Variants in ANKRD55 observed in about 807,000 individuals in gnomAD.
The protein encoded by ANKRD55 is ankyrin repeat domain-containing protein 55.
A neutral mutation model predicts 60.6 loss-of-function variants in ANKRD55; 41 were observed. The ratio of observed to expected loss-of-function variants is 0.68; its 90% CI spans 0.53 to 0.88. ANKRD55 has a LOEUF of 0.88. Ranked by LOEUF, ANKRD55 falls within the 40% of genes least tolerant of loss-of-function variation. ANKRD55 has a pLI of 0.00. For synonymous variants in ANKRD55, 264 were observed against 290.3 expected, an observed-to-expected ratio of 0.91 and a Z score of 0.92; for missense variants, 732 against 767.6, an observed-to-expected ratio of 0.95 and a Z score of 0.55.
chr5:56,127,276 G>C, intron 7 of ANKRD55, 170 bp from the exon 8 acceptor site: 1 of 984,424 alleles, frequency 1.0e-6, no homozygotes, highest in Non-Finnish European at 1.2e-6. Context: ...CTCTATCTAA[G>C]CTCTCCAACA....
intron 4 of ANKRD55, among the ~76,000 whole-genome samples, chr5:56,171,976 G>A (rs1203047276): frequency 6.6e-6 from 1 of 152,058 alleles, no homozygotes; most frequent in Non-Finnish European, 1.5e-5. Flanking sequence ...AAAATTAGCT[G>A]GGAATGGTGG....
chr5:56,210,487 GGGAGGCGGA>G lies in ANKRD55; in HGVS notation c.58+22360_58+22368del, dbSNP rs1323843336. Among the ~76,000 whole-genome samples the G allele has an allele frequency of 2.5e-3, 376 of 148,670 alleles. 1 individual carries two copies. Among genetic ancestry groups the G allele is most frequent in the African/African-American group, 8.6e-3 (346 of 40,022 alleles). ...TGAGGCAGGAGAAAGGCGTGAACCCGGGAGGCGGAGCTTGCAGTGAGCCGAGATCGCGCG... is the reference window on the plus strand; with the variant it reads ...TGAGGCAGGAGAAAGGCGTGAACCCGGCTTGCAGTGAGCCGAGATCGCGCG... On this transcript the variant is annotated intron_variant, in intron 2 of 11. Transcript: ENST00000341048.
Position 56,232,878 on chromosome 5 carries a change from AG to A in ANKRD55, c.35del (p.Pro12LeufsTer17). 1 of 1,614,166 alleles carries A rather than the reference AG, an allele frequency of 6.2e-7. No individual in the cohort carries two copies. Among genetic ancestry groups the A allele is most frequent in the Non-Finnish European group, 8.5e-7 (1 of 1,180,024 alleles). On this transcript the variant is annotated frameshift_variant, in exon 2 of 12. Coordinates refer to ENST00000341048, the MANE Select transcript of ANKRD55 (RefSeq NM_024669.3). LOFTEE classifies it high-confidence loss of function. ...MRQATMDFST[P>X]SVFDQQRGDS... is the part of the protein sequence containing the mutation. ...TACCTCTTTGCTGATCAAACACAGA[AG>A]GGGTGCTGAAATCCATGGTAGCCTG...
chr5:56,173,578 C>CTATATA (rs1211689978), intron 4 of ANKRD55, among the ~76,000 whole-genome samples: 71 of 71,636 alleles, frequency 9.9e-4, no homozygotes, highest in African/African-American at 1.6e-3. Context: ...CTCTCTCTCT[C>CTATATA]TCTCTATATA....
chr5:56,194,315 C>CA (rs551227581), intron 2 of ANKRD55, among the ~76,000 whole-genome samples: 1,058 of 57,332 alleles, frequency 0.018, 5 homozygotes, highest in Middle Eastern at 0.026. Flanking sequence ...GACTCCATCT[C>CA]AAAAAAAAAA....
rs78181431 is a variant in ANKRD55, at chr5:56,139,759, T to C, written c.612+4042A>G. 7.5e-3 allele frequency among the ~76,000 whole-genome samples: 1,145 copies of C among 152,322 alleles called. 11 individuals are homozygous for C. The highest frequency in any genetic ancestry group is 0.026 in the African/African-American group (1,101 of 41,566). ...TATGTTAGTACATGTCTTTGTGATT[T>C]GTTGGAAGAGCTCTGTAAGAATAGA... On this transcript the variant is annotated intron_variant, in intron 7 of 11. Transcript: ENST00000341048.
chr5:56,233,132 T>C, intron 1 of ANKRD55, 109 bp downstream of exon 1: 1 of 581,246 alleles, frequency 1.7e-6, no homozygotes, highest in Non-Finnish European at 3.1e-6. Context: ...AGTTACTCTA[T>C]GGCCTCATTC....
intron 7 of ANKRD55, among the ~76,000 whole-genome samples, chr5:56,139,638 T>C (rs189645853): frequency 6.6e-6 from 1 of 152,242 alleles, no homozygotes; most frequent in East Asian, 1.9e-4. Context: ...TATTCCAGTG[T>C]GATTAGAGCC....
Position 56,100,104 on chromosome 5 carries a change from C to T in ANKRD55, c.*79G>A. ...GCAGCTTACTAAATTGGTCTTCGTTCTTACAAACTGGAGTAATCTTGTCCT... is the reference window on the plus strand; with the variant it reads ...GCAGCTTACTAAATTGGTCTTCGTTTTTACAAACTGGAGTAATCTTGTCCT... On this transcript the variant is annotated 3_prime_UTR_variant, in exon 12 of 12. Coordinates refer to ENST00000341048, the MANE Select transcript of ANKRD55 (RefSeq NM_024669.3). The T allele has an allele frequency of 1.9e-6, 3 of 1,594,994 alleles. No individual in the cohort carries two copies. Among genetic ancestry groups the T allele is most frequent in the Non-Finnish European group, 2.6e-6 (3 of 1,165,746 alleles).
intron 7 of ANKRD55, among the ~76,000 whole-genome samples, chr5:56,128,350 G>A (rs533612890): frequency 3.2e-4 from 49 of 152,166 alleles, no homozygotes; most frequent in African/African-American, 1.1e-3. Context: ...TCTTCCTTTC[G>A]CCTCCCTCGC....
At chr5:56,124,304 T>C (rs1220337941) in intron 8 of ANKRD55, among the ~76,000 whole-genome samples, 1 of 152,156 alleles carries the variant, frequency 6.6e-6, no homozygotes, top group African/African-American at 2.4e-5. Flanking sequence ...TGATGTGTTT[T>C]ACTATCTGGG....
intron 4 of ANKRD55, among the ~76,000 whole-genome samples, chr5:56,173,701 C>T (rs1214436076): frequency 6.6e-6 from 1 of 150,904 alleles, no homozygotes; most frequent in Non-Finnish European, 1.5e-5. Context: ...TGCGCCACCA[C>T]GCCCGACTAA....
intron 5 of ANKRD55, among the ~76,000 whole-genome samples, chr5:56,163,808 C>T (rs1314328630): frequency 6.6e-6 from 1 of 152,202 alleles, no homozygotes; most frequent in East Asian, 1.9e-4. Context: ...TTTTATATGG[C>T]CAGGTGCGCT....
At chr5:56,178,073 C>A (rs1371874962) in intron 3 of ANKRD55, among the ~76,000 whole-genome samples, 2 of 152,130 alleles carry the variant, frequency 1.3e-5, no homozygotes, top group African/African-American at 4.8e-5. Flanking sequence ...TGGAAGGAAC[C>A]ACATCTCTCC....
At chr5:56,198,323 G>A (rs543560235) in intron 2 of ANKRD55, among the ~76,000 whole-genome samples, 25 of 151,750 alleles carry the variant, frequency 1.6e-4, no homozygotes, top group African/African-American at 5.1e-4. Context: ...TTTTGAGACG[G>A]AGTTTCGCTC....
At chr5:56,171,540 A>G (rs1401292057) in intron 4 of ANKRD55, among the ~76,000 whole-genome samples, 1 of 152,098 alleles carries the variant, frequency 6.6e-6, no homozygotes, top group Non-Finnish European at 1.5e-5. Flanking sequence ...CCTCCCTCCC[A>G]TGCTACTTTA....
chr5:56,127,375 T>C lies in ANKRD55; in HGVS notation c.613-269A>G, dbSNP rs114864781. ...CATAACTAGTGAACGAAGGATGGAT[T>C]GAAATTAAATACAGGTGCAATGGAC... On this transcript the variant is annotated intron_variant, in intron 7 of 11. Coordinates refer to ENST00000341048, the MANE Select transcript of ANKRD55 (RefSeq NM_024669.3). 88 of 976,262 alleles carry C rather than the reference T, an allele frequency of 9.0e-5. No individual in the cohort carries two copies. In the African/African-American group the frequency reaches 1.5e-3, roughly 17 times the overall value. The allele number at this position is 976,262 out of a possible 1,614,324, so 60.5% of individuals were successfully genotyped here.
intron 10 of ANKRD55, among the ~76,000 whole-genome samples, chr5:56,102,995 T>G (rs1050817970): frequency 6.6e-6 from 1 of 152,186 alleles, no homozygotes; most frequent in Non-Finnish European, 1.5e-5. Context: ...TGGCTGCACA[T>G]AGGAATTATC....
chr5:56,120,879 G>A (rs1383050106), intron 8 of ANKRD55, among the ~76,000 whole-genome samples: 6 of 137,948 alleles, frequency 4.3e-5, no homozygotes, highest in African/African-American at 1.4e-4. Flanking sequence ...TAGCCTGGGC[G>A]ACAGAGGGAG....
Sources: gnomAD v4.1 joint callset for allele counts (sites outside exome capture counted in the v4.1 genomes callset) on GRCh38, gnomAD v4.1.1 for gene constraint, MANE v1.5 for transcripts, NCBI Gene and HGNC (gene_info 2026-07-23, HGNC 2026-07-21) for gene names.